Variants in MBNL1 observed in about 807,000 individuals in gnomAD.
MBNL1 encodes muscleblind like splicing regulator 1.
A neutral mutation model predicts 42.2 loss-of-function variants in MBNL1; 8 were observed. That is an observed-to-expected ratio of 0.19 (90% CI 0.11 to 0.34). MBNL1 has a LOEUF of 0.34. Ranked by LOEUF, MBNL1 falls within the 10% of genes least tolerant of loss-of-function variation. The pLI is 1.00. For synonymous variants in MBNL1, 169 were observed against 173.9 expected (o/e 0.97, Z 0.22); for missense variants, 309 against 495.3 (o/e 0.62, Z 3.57).
chr3:152,275,379 C>A (rs1420894937), intron 1 of MBNL1, among the ~76,000 whole-genome samples: 1 of 152,104 alleles, frequency 6.6e-6, no homozygotes, highest in Non-Finnish European at 1.5e-5. Context: ...AGATACACCA[C>A]GAGTTCTTAT....
chr3:152,364,880 C>T (rs980293986), intron 2 of MBNL1, among the ~76,000 whole-genome samples: 6 of 149,934 alleles, frequency 4.0e-5, no homozygotes, highest in East Asian at 2.0e-4. Context: ...TTTTTCATAA[C>T]CATTTTTAGA....
intron 1 of MBNL1, among the ~76,000 whole-genome samples, chr3:152,294,034 G>A (rs1025906071): frequency 3.3e-5 from 5 of 149,388 alleles, no homozygotes; most frequent in Non-Finnish European, 6.0e-5. Flanking sequence ...TCCTTTTCTC[G>A]GTTTTTATTA....
Position 152,414,991 on chromosome 3 carries a change from A to G in MBNL1, c.225A>G (p.Leu75=). Residue 75 remains leucine, a synonymous_variant, in exon 3 of 10, where the codon TTA becomes TTG. Transcript: ENST00000324210. The part of the protein sequence containing the change: ...NCKYLHPPPH[L]KTQLEINGRN... The stretch of plus-strand genomic sequence containing the variant: ...AATATCTTCATCCACCCCCACATTT[A>G]AAAACGCAGTTGGAGATAAATGGAC... The G allele has an allele frequency of 6.2e-7, 1 of 1,609,044 alleles. No homozygotes were observed. The highest frequency in any genetic ancestry group is 8.5e-7 in the Non-Finnish European group (1 of 1,178,540).
rs1158817768 is a variant in MBNL1 at position 152,300,361 on chromosome 3, A to G, written c.168A>G (p.Ser56=). ...GACGAGTAATCGCCTGCTTTGATTC[A>G]TTGAAAGTGAGTAACTATTATATTC... ...ENGRVIACFD[S]LKGRCSRENC... is the part of the protein sequence containing the mutation. Residue 56 remains serine (S), a synonymous_variant, in exon 2 of 10, where the codon TCA becomes TCG. Transcript: ENST00000324210. The G allele has an allele frequency of 4.3e-6, 7 of 1,613,270 alleles. No homozygotes were observed. In the Admixed American group the frequency reaches 1.0e-4, roughly 23 times the overall value.
chr3:152,301,772 C>T (rs1197890509), intron 2 of MBNL1: 1 of 152,158 alleles, frequency 6.6e-6, no homozygotes, highest in East Asian at 1.9e-4. Flanking sequence ...TTCCTAAATT[C>T]ATGCTGGCTG....
chr3:152,258,822 T>C (rs775696014), intron 2 of MBNL1, among the ~76,000 whole-genome samples: 14 of 152,212 alleles, frequency 9.2e-5, no homozygotes, highest in African/African-American at 1.7e-4. Flanking sequence ...TTTCTAACAA[T>C]TAATTTTGGC....
intron 2 of MBNL1, among the ~76,000 whole-genome samples, chr3:152,366,286 A>T (rs988311538): frequency 1.3e-5 from 2 of 152,174 alleles, no homozygotes; most frequent in Non-Finnish European, 2.9e-5. Flanking sequence ...GTTAAAGGCC[A>T]AATATCTGTG....
intron 2 of MBNL1, among the ~76,000 whole-genome samples, chr3:152,254,256 G>A (rs910478884): frequency 1.2e-4 from 18 of 152,128 alleles, no homozygotes; most frequent in African/African-American, 4.3e-4. Flanking sequence ...AATAGACAGA[G>A]AAGTTCTCTT....
intron 2 of MBNL1, among the ~76,000 whole-genome samples, chr3:152,363,281 T>TA (rs1456790576): frequency 6.6e-6 from 1 of 152,170 alleles, no homozygotes; most frequent in African/African-American, 2.4e-5. Context: ...TTGAAGCTGT[T>TA]ATGGGATTTT....
At chr3:152,318,641 C>T (rs1230473721) in intron 2 of MBNL1, among the ~76,000 whole-genome samples, 3 of 152,124 alleles carry the variant, frequency 2.0e-5, no homozygotes, top group African/African-American at 7.2e-5. Context: ...GATTCATTGT[C>T]CAGCAGCAAC....
rs557089683 is a variant in MBNL1 at position 152,395,155 on chromosome 3, G to A, written c.175-19786G>A. ...ATTACAGGTGTGAGCTACCGTGCCCGGCCTTCAGCTTTTATTTAATTATTA... is the reference window on the plus strand; with the variant it reads ...ATTACAGGTGTGAGCTACCGTGCCCAGCCTTCAGCTTTTATTTAATTATTA... On this transcript the variant is annotated intron_variant, in intron 2 of 9. Coordinates refer to ENST00000324210, the MANE Select transcript of MBNL1 (RefSeq NM_021038.5). Among the ~76,000 whole-genome samples the A allele has an allele frequency of 2.9e-4, 44 of 152,198 alleles. No individual in the cohort carries two copies. The East Asian group carries it at 4.8e-3, about 17-fold the overall frequency.
At chr3:152,345,943 TTTTGTTTG>T (rs761747782) in intron 2 of MBNL1, among the ~76,000 whole-genome samples, 4 of 152,126 alleles carry the variant, frequency 2.6e-5, no homozygotes, top group African/African-American at 9.7e-5. Context: ...TAGGCTGGAT[TTTTGTTTG>T]TTTGTTTGTT....
chr3:152,425,435 T>C (rs1299989955), intron 3 of MBNL1, among the ~76,000 whole-genome samples: 1 of 151,900 alleles, frequency 6.6e-6, no homozygotes, highest in Non-Finnish European at 1.5e-5. Flanking sequence ...AGTGAAGCCC[T>C]GTCTCTACTA....
chr3:152,303,667 G>A lies in MBNL1; in HGVS notation c.174+3300G>A, dbSNP rs549128210. On this transcript the variant is annotated intron_variant, in intron 2 of 9. Coordinates refer to ENST00000324210, the MANE Select transcript of MBNL1 (RefSeq NM_021038.5). ...TCATGAGCTCTCAACTAAAATTTGG[G>A]GAGTCAATGTAAAGAAAGCCTACAG... Among the ~76,000 whole-genome samples the A allele has an allele frequency of 9.9e-5, 15 of 152,088 alleles. No individual in the cohort carries two copies. The East Asian group carries it at 2.9e-3, about 29-fold the overall frequency.
intron 2 of MBNL1, among the ~76,000 whole-genome samples, chr3:152,252,322 C>T (rs2034760734): frequency 7.1e-6 from 1 of 140,740 alleles, no homozygotes; most frequent in African/African-American, 2.5e-5. Context: ...TTTCTGGCTT[C>T]CCATTCAGGG....
At chr3:152,252,962 G>A (rs966033138) in intron 2 of MBNL1, among the ~76,000 whole-genome samples, 14 of 151,990 alleles carry the variant, frequency 9.2e-5, no homozygotes, top group South Asian at 2.1e-4. Flanking sequence ...GGTTGGTGTC[G>A]AAAGATTCAT....
rs1737169872 is a variant in MBNL1 at position 152,457,987 on chromosome 3, A to G, written c.1093-1284A>G. On this transcript the variant is annotated intron_variant, in intron 8 of 9. Coordinates refer to ENST00000324210, the MANE Select transcript of MBNL1 (RefSeq NM_021038.5). The stretch of plus-strand genomic sequence containing the variant: ...ACACATATATTATATCTACATATAC[A>G]TACATATGTATATGCCTACAGTACA... The G allele has an allele frequency of 1.6e-5, 10 of 624,840 alleles. No individual in the cohort carries two copies. The East Asian group carries it at 2.7e-4, about 17-fold the overall frequency. The allele number at this position is 624,840 out of a possible 1,614,324, so 38.7% of individuals were successfully genotyped here.
At chr3:152,249,781 G>T (rs2034181875) in intron 2 of MBNL1, among the ~76,000 whole-genome samples, 1 of 137,370 alleles carries the variant, frequency 7.3e-6, no homozygotes, top group African/African-American at 2.7e-5. Flanking sequence ...AATCCATCTT[G>T]AATTAATTTT....
chr3:152,280,307 G>A (rs2047671047), intron 1 of MBNL1, among the ~76,000 whole-genome samples: 1 of 152,072 alleles, frequency 6.6e-6, no homozygotes, highest in Non-Finnish European at 1.5e-5. Context: ...AAACCATTCG[G>A]TAGACAGGTT....
Sources: gnomAD v4.1 joint callset for allele counts (sites outside exome capture counted in the v4.1 genomes callset) on GRCh38, gnomAD v4.1.1 for gene constraint, MANE v1.5 for transcripts, NCBI Gene and HGNC (gene_info 2026-07-23, HGNC 2026-07-21) for gene names.